The following TRIM44 variants were observed in gnomAD, a reference collection of about 807,000 sequenced individuals.
TRIM44 encodes tripartite motif containing 44.
Under a neutral mutation model 37.4 loss-of-function variants are expected in TRIM44, and 13 were observed. That is an observed-to-expected ratio of 0.35 (90% CI 0.23 to 0.55). The LOEUF (loss-of-function observed/expected upper bound fraction) is 0.55. Ranked by LOEUF, TRIM44 falls within the 20% of genes least tolerant of loss-of-function variation. The pLI, the probability that TRIM44 is intolerant of heterozygous loss-of-function variation, is 0.89. For synonymous variants in TRIM44, 175 were observed against 157.2 expected (o/e 1.11, Z -0.85); for missense variants, 426 against 437.2 (o/e 0.97, Z 0.23).
rs1853572418 is a variant in TRIM44, at chr11:35,815,562, A to G, written c.*9177A>G. On this transcript the variant is annotated 3_prime_UTR_variant, in exon 5 of 5. Coordinates refer to ENST00000299413, the MANE Select transcript of TRIM44 (RefSeq NM_017583.6). ...GTTCTGATCTATTTTCCCCAAATTA[A>G]TATTTTCCCTGGAAGATTCTGACCT... 6.6e-6 allele frequency: 1 copy of G among 152,288 alleles called. No homozygotes were observed. Among genetic ancestry groups the G allele is most frequent in the South Asian group, 2.1e-4 (1 of 4,824 alleles). 9.4% of individuals were successfully genotyped at this position (152,288 alleles called of 1,614,324 possible). A position where few individuals can be genotyped will look rare whatever the true frequency, so the allele number is the denominator to read the frequency against.
At chr11:35,738,628 T>A (rs1852354820) in intron 4 of TRIM44, among the ~76,000 whole-genome samples, 1 of 152,244 alleles carries the variant, frequency 6.6e-6, no homozygotes, top group Non-Finnish European at 1.5e-5. Flanking sequence ...TCAAGGCAAA[T>A]TGCCTTTGAT....
At chr11:35,727,099 A>C (rs1360983496) in intron 3 of TRIM44, among the ~76,000 whole-genome samples, 1 of 151,726 alleles carries the variant, frequency 6.6e-6, no homozygotes, top group Non-Finnish European at 1.5e-5. Context: ...TTGAGGCTGC[A>C]GTGAGCTGTG....
In TRIM44 at chr11:35,726,083, A is replaced by G. The variant is rs777026514; in HGVS notation, c.907A>G (p.Met303Val). 2 of 1,614,030 alleles carry G rather than the reference A, an allele frequency of 1.2e-6. No individual in the cohort carries two copies. Among genetic ancestry groups the G allele is most frequent in the Non-Finnish European group, 8.5e-7 (1 of 1,180,018 alleles). Residue 303 changes from methionine to valine, a missense_variant, in exon 3 of 5, where the codon ATG becomes GTG. Transcript: ENST00000299413. ...TEILADIQSH[M>V]DRLMTQMAQA... ...GATACTGGCAGACATCCAATCCCAC[A>G]TGGATAGGTTGATGACTCAGATGGC...
At chr11:35,688,134 G>A (rs1851601701) in intron 2 of TRIM44, among the ~76,000 whole-genome samples, 1 of 152,070 alleles carries the variant, frequency 6.6e-6, no homozygotes, top group South Asian at 2.1e-4. Context: ...TTTTTGAGTT[G>A]GCCTATTTAA....
At chr11:35,776,480 T>A (rs1244563163) in intron 4 of TRIM44, among the ~76,000 whole-genome samples, 1 of 152,218 alleles carries the variant, frequency 6.6e-6, no homozygotes, top group African/African-American at 2.4e-5. Flanking sequence ...CTGATCTTAG[T>A]TATTTCTTGC....
At chr11:35,775,939 G>T (rs1284292710) in intron 4 of TRIM44, among the ~76,000 whole-genome samples, 1 of 151,996 alleles carries the variant, frequency 6.6e-6, no homozygotes, top group African/African-American at 2.4e-5. Context: ...CTCTTTTTTT[G>T]TTGTGTCTCT....
In TRIM44 at chr11:35,761,960, A is replaced by T. The variant is rs11825305; in HGVS notation, c.1007+26515A>T. ...ACTGTATTCTCAGGAATACAATGGC[A>T]GAAGAGCACCTGGAGAGATTTGAGC... On this transcript the variant is annotated intron_variant, in intron 4 of 4. Coordinates refer to ENST00000299413, the MANE Select transcript of TRIM44 (RefSeq NM_017583.6). 1.8e-3 allele frequency among the ~76,000 whole-genome samples: 281 copies of T among 152,364 alleles called. 2 individuals are homozygous for T. Among genetic ancestry groups the T allele is most frequent in the African/African-American group, 6.5e-3 (270 of 41,598 alleles).
At chr11:35,702,333 C>T (rs941880620) in intron 2 of TRIM44, among the ~76,000 whole-genome samples, 1 of 152,242 alleles carries the variant, frequency 6.6e-6, no homozygotes, top group Non-Finnish European at 1.5e-5. Flanking sequence ...CCGTGCGCAT[C>T]CACCGTTCTT....
rs187239871 is a variant in TRIM44 at position 35,807,039 on chromosome 11, G to A, written c.*654G>A. The A allele has an allele frequency of 1.3e-5, 2 of 152,206 alleles. No homozygotes were observed. Among genetic ancestry groups the A allele is most frequent in the East Asian group, 1.9e-4 (1 of 5,174 alleles). The allele number at this position is 152,206 out of a possible 1,614,324, so 9.4% of individuals were successfully genotyped here. A position where few individuals can be genotyped will look rare whatever the true frequency, so the allele number is the denominator to read the frequency against. ...TGCTGTGGAAATGAAAAAAATGATTGAAGAGGTGGAACGGAAATGACCTTA... is the reference window on the plus strand; with the variant it reads ...TGCTGTGGAAATGAAAAAAATGATTAAAGAGGTGGAACGGAAATGACCTTA... On this transcript the variant is annotated 3_prime_UTR_variant, in exon 5 of 5. Coordinates refer to ENST00000299413, the MANE Select transcript of TRIM44 (RefSeq NM_017583.6).
intron 1 of TRIM44, among the ~76,000 whole-genome samples, chr11:35,674,326 CA>C (rs1004250923): frequency 1.3e-5 from 2 of 150,764 alleles, no homozygotes. Flanking sequence ...GCATCAGGTG[CA>C]AAAAAAATCA....
intron 4 of TRIM44, among the ~76,000 whole-genome samples, chr11:35,757,583 G>C (rs574994063): frequency 2.3e-4 from 35 of 152,218 alleles, no homozygotes; most frequent in African/African-American, 8.4e-4. Context: ...TCTTTTAATT[G>C]TGATGTTAGG....
intron 4 of TRIM44, among the ~76,000 whole-genome samples, chr11:35,776,236 G>C (rs1411137692): frequency 1.1e-4 from 17 of 152,094 alleles, no homozygotes; most frequent in African/African-American, 4.8e-5. Context: ...AGATTTTCTA[G>C]TTATTTGCGT....
chr11:35,714,542 G>A (rs1264512347), intron 2 of TRIM44, among the ~76,000 whole-genome samples: 1 of 152,108 alleles, frequency 6.6e-6, no homozygotes, highest in African/African-American at 2.4e-5. Flanking sequence ...CTGAGTATTT[G>A]TGGCAGTATG....
intron 4 of TRIM44, among the ~76,000 whole-genome samples, chr11:35,749,692 A>T (rs1852538195): frequency 6.6e-6 from 1 of 152,210 alleles, no homozygotes; most frequent in African/African-American, 2.4e-5. Flanking sequence ...TAAAACAAAC[A>T]AACAGAGCAG....
At chr11:35,771,794 C>T (rs562505510) in intron 4 of TRIM44, among the ~76,000 whole-genome samples, 2 of 151,748 alleles carry the variant, frequency 1.3e-5, no homozygotes, top group South Asian at 4.2e-4. Context: ...GGAAAATTTG[C>T]AGCCTCACAA....
rs1691304199 is a variant in TRIM44, at chr11:35,817,906, T to A, written c.*11521T>A. 1 of 152,180 alleles carries A rather than the reference T, an allele frequency of 6.6e-6. No homozygotes were observed. Among genetic ancestry groups the A allele is most frequent in the African/African-American group, 2.4e-5 (1 of 41,446 alleles). 9.4% of individuals were successfully genotyped at this position (152,180 alleles called of 1,614,324 possible). A position where few individuals can be genotyped will look rare whatever the true frequency, so the allele number is the denominator to read the frequency against. On this transcript the variant is annotated 3_prime_UTR_variant, in exon 5 of 5. Transcript: ENST00000299413. ...CTCCCCCTTTGCCTTCCACCATGAT[T>A]GTAAGTTTCCTGAAGCCTCCCTAGA... is the stretch of plus-strand genomic sequence containing the variant.
intron 2 of TRIM44, among the ~76,000 whole-genome samples, chr11:35,692,391 A>G (rs1851646860): frequency 6.6e-6 from 1 of 152,202 alleles, no homozygotes; most frequent in Non-Finnish European, 1.5e-5. Context: ...TGTGCATAAA[A>G]TGGTATTATA....
At chr11:35,803,929 G>T (rs1486043019) in intron 4 of TRIM44, among the ~76,000 whole-genome samples, 1 of 149,458 alleles carries the variant, frequency 6.7e-6, no homozygotes, top group Non-Finnish European at 1.5e-5. Flanking sequence ...TTTCATTATT[G>T]TGAGAAGTGG....
chr11:35,762,048 G>A (rs1229798689), intron 4 of TRIM44, among the ~76,000 whole-genome samples: 1 of 152,178 alleles, frequency 6.6e-6, no homozygotes, highest in East Asian at 1.9e-4. Context: ...GGCAGTGGCT[G>A]CCCTTTCAGC....
Sources: allele counts gnomAD v4.1 joint callset (sites outside exome capture counted in the v4.1 genomes callset), GRCh38; gene constraint gnomAD v4.1.1; transcripts MANE v1.5; gene names NCBI Gene and HGNC (gene_info 2026-07-23, HGNC 2026-07-21).